The following DYNLT2B variants were observed in gnomAD, a reference collection of about 807,000 sequenced individuals.
The protein encoded by DYNLT2B is dynein light chain Tctex-type protein 2B.
Under a neutral mutation model 19.5 loss-of-function variants are expected in DYNLT2B, and 14 were observed. That is an observed-to-expected ratio of 0.72 (90% CI 0.47 to 1.12). DYNLT2B has a LOEUF of 1.12. Among genes scored for constraint, DYNLT2B ranks in the 50% most tolerant of loss-of-function variants. The pLI is 0.00. For synonymous variants in DYNLT2B, 70 were observed against 59.7 expected (o/e 1.17, Z -0.79); for missense variants, 133 against 174.7 (o/e 0.76, Z 1.35).
At chr3:196,309,299 C>T (rs1369208959) in intron 2 of DYNLT2B, among the ~76,000 whole-genome samples, 1 of 152,114 alleles carries the variant, frequency 6.6e-6, no homozygotes, top group African/African-American at 2.4e-5. Flanking sequence ...GAGTTTCACT[C>T]TTGTTGCCCA....
chr3:196,291,755 T>C (rs1236340607), intron 4 of DYNLT2B, among the ~76,000 whole-genome samples: 1 of 152,196 alleles, frequency 6.6e-6, no homozygotes, highest in East Asian at 1.9e-4. Context: ...GCTGGGATCA[T>C]AGGCGTGAGC....
At chr3:196,314,025 G>C (rs959543026) in intron 2 of DYNLT2B, among the ~76,000 whole-genome samples, 3 of 152,050 alleles carry the variant, frequency 2.0e-5, no homozygotes, top group African/African-American at 7.2e-5. Context: ...TTGAACCCAG[G>C]AGGCGGAGAT....
At chr3:196,310,080 G>A (rs1276957818) in intron 2 of DYNLT2B, among the ~76,000 whole-genome samples, 3 of 151,316 alleles carry the variant, frequency 2.0e-5, no homozygotes, top group African/African-American at 7.3e-5. Flanking sequence ...AATGAAATAA[G>A]TACTCAATCA....
At chr3:196,315,269 T>C (rs111726734) in intron 2 of DYNLT2B, 1,001 of 355,564 alleles carry the variant, frequency 2.8e-3, no homozygotes, top group Non-Finnish European at 4.0e-3. Flanking sequence ...TATTTTGCTT[T>C]TTTTTTTTTT....
intron 3 of DYNLT2B, 54 bp from the exon 4 acceptor site, chr3:196,296,123 C>T: frequency 1.4e-6 from 2 of 1,435,434 alleles, no homozygotes; most frequent in Non-Finnish European, 2.0e-6. Context: ...ACCTAAACGA[C>T]ACATATCTGC....
At chr3:196,294,241 C>T (rs2108789840) in intron 4 of DYNLT2B, among the ~76,000 whole-genome samples, 1 of 152,202 alleles carries the variant, frequency 6.6e-6, no homozygotes, top group Admixed American at 6.5e-5. Flanking sequence ...ATCCCAGCTA[C>T]TCGGAAGGCT....
chr3:196,307,475 G>C (rs1251799493), intron 2 of DYNLT2B, among the ~76,000 whole-genome samples: 1 of 151,746 alleles, frequency 6.6e-6, no homozygotes, highest in Non-Finnish European at 1.5e-5. Flanking sequence ...GCTAATTTTT[G>C]TATTTTTAGT....
At chr3:196,295,571 T>C (rs1726202991) in intron 4 of DYNLT2B, among the ~76,000 whole-genome samples, 1 of 152,208 alleles carries the variant, frequency 6.6e-6, no homozygotes, top group Non-Finnish European at 1.5e-5. Flanking sequence ...GCTCATGGAA[T>C]CCCTGCCATC....
intron 2 of DYNLT2B, among the ~76,000 whole-genome samples, chr3:196,312,648 G>A (rs890406542): frequency 1.3e-5 from 2 of 151,890 alleles, no homozygotes; most frequent in Admixed American, 6.6e-5. Context: ...TCGTAGAGAC[G>A]GGGTTTCACC....
intron 2 of DYNLT2B, among the ~76,000 whole-genome samples, chr3:196,309,173 T>G (rs1726566733): frequency 6.6e-6 from 1 of 152,244 alleles, no homozygotes; most frequent in African/African-American, 2.4e-5. Context: ...CCCAGCAATT[T>G]TGGAGGCTGA....
intron 3 of DYNLT2B, among the ~76,000 whole-genome samples, chr3:196,301,475 G>A (rs1368600600): frequency 6.6e-6 from 1 of 152,208 alleles, no homozygotes; most frequent in African/African-American, 2.4e-5. Context: ...CACTCTGGGA[G>A]GCTGAGCGGG....
chr3:196,308,305 C>A (rs182753346), intron 2 of DYNLT2B, among the ~76,000 whole-genome samples: 36 of 152,036 alleles, frequency 2.4e-4, no homozygotes, highest in African/African-American at 8.4e-4. Flanking sequence ...ACCAGGTCAG[C>A]CCCATCTCCC....
intron 2 of DYNLT2B, among the ~76,000 whole-genome samples, chr3:196,314,836 CAAAAA>C (rs902609745): frequency 6.7e-6 from 1 of 148,792 alleles, no homozygotes; most frequent in Non-Finnish European, 1.5e-5. Flanking sequence ...CAAAACAAAA[CAAAAA>C]AAAACAAAAC....
chr3:196,305,100 T>C lies in DYNLT2B; in HGVS notation c.317+1843A>G, dbSNP rs142436463. 8.8e-4 allele frequency among the ~76,000 whole-genome samples: 134 copies of C among 152,172 alleles called. 1 individual carries two copies. Among genetic ancestry groups the C allele is most frequent in the African/African-American group, 3.1e-3 (128 of 41,520 alleles). ...AGTTTTGCTGTGTTGCCCAGGCTGG[T>C]CTGGAACTCCTGGGCTCAAGTGATC... is the stretch of plus-strand genomic sequence containing the variant. On this transcript the variant is annotated intron_variant, in intron 3 of 4. Coordinates refer to ENST00000325318, the MANE Select transcript of DYNLT2B (RefSeq NM_152773.5).
intron 3 of DYNLT2B, among the ~76,000 whole-genome samples, chr3:196,299,060 C>T (rs552375503): frequency 6.6e-6 from 1 of 151,424 alleles, no homozygotes; most frequent in African/African-American, 2.4e-5. Flanking sequence ...AACAGGCATG[C>T]ACCACCATGC....
At chr3:196,295,549 A>G (rs1468776952) in intron 4 of DYNLT2B, among the ~76,000 whole-genome samples, 1 of 152,226 alleles carries the variant, frequency 6.6e-6, no homozygotes, top group Non-Finnish European at 1.5e-5. Flanking sequence ...CTACTAAAAA[A>G]AAATGACCTT....
At chr3:196,296,880 A>G (rs1577386511) in intron 3 of DYNLT2B, among the ~76,000 whole-genome samples, 1 of 152,082 alleles carries the variant, frequency 6.6e-6, no homozygotes, top group Admixed American at 6.6e-5. Flanking sequence ...ACACCTGTGA[A>G]CAGCCACTGC....
Position 196,318,215 on chromosome 3 carries a change from G to A in DYNLT2B, c.-63C>T, listed in dbSNP as rs573662432. On this transcript the variant is annotated 5_prime_UTR_variant, in exon 1 of 5. Transcript: ENST00000325318. ...GGCCTAGCGGGTTGCGGTCGCGGCC[G>A]GCAGCAGGGAAAGCGTCTCCAGGGC... 1.0e-6 allele frequency: 1 copy of A among 987,918 alleles called. No homozygotes were observed. Among genetic ancestry groups the A allele is most frequent in the Non-Finnish European group, 1.4e-6 (1 of 710,416 alleles). 61.2% of individuals were successfully genotyped at this position (987,918 alleles called of 1,614,324 possible).
At chr3:196,310,653 C>T (rs575644345) in intron 2 of DYNLT2B, among the ~76,000 whole-genome samples, 20 of 151,598 alleles carry the variant, frequency 1.3e-4, no homozygotes, top group African/African-American at 3.9e-4. Flanking sequence ...GTCTGGAACT[C>T]CTGACCTCAA....
Sources: allele counts gnomAD v4.1 joint callset (sites outside exome capture counted in the v4.1 genomes callset), GRCh38; gene constraint gnomAD v4.1.1; transcripts MANE v1.5; gene names NCBI Gene and HGNC (gene_info 2026-07-23, HGNC 2026-07-21).